CAPN5: variants seen among roughly 807,000 people sequenced by gnomAD.
CAPN5 encodes the protein calpain 5.
CAPN5 carries 54 observed loss-of-function variants against 73.0 expected under a neutral mutation model. That is an observed-to-expected ratio of 0.74 (90% CI 0.59 to 0.93). The LOEUF is 0.93. CAPN5 is among the 40% of genes least tolerant of loss of function. The probability of loss-of-function intolerance (pLI) is 0.00; values close to 1 mark genes in which losing one functional copy is unlikely to be tolerated. For synonymous variants in CAPN5, 335 were observed against 356.9 expected, an observed-to-expected ratio of 0.94 and a Z score of 0.69; for missense variants, 785 against 882.9, an observed-to-expected ratio of 0.89 and a Z score of 1.41.
rs529066534 is a variant in CAPN5 at position 77,099,733 on chromosome 11, G to A, written c.297+5920G>A. On this transcript the variant is annotated intron_variant, in intron 3 of 12. Coordinates refer to ENST00000648180, the MANE Select transcript of CAPN5 (RefSeq NM_004055.5). The stretch of plus-strand genomic sequence containing the variant: ...GGGGAGAGGGAGAGGGAGACGGAGA[G>A]GGAGAGGGAGAGGGAGACGGAGAGG... 2.1e-3 allele frequency among the ~76,000 whole-genome samples: 318 copies of A among 149,056 alleles called. 2 individuals carry two copies. The highest frequency in any genetic ancestry group is 7.6e-3 in the African/African-American group (307 of 40,334).
chr11:77,099,690 A>C (rs1437594352), intron 3 of CAPN5, among the ~76,000 whole-genome samples: 1 of 150,072 alleles, frequency 6.7e-6, no homozygotes, highest in East Asian at 2.0e-4. Flanking sequence ...CTTCGGCTCC[A>C]CATGAGAGGG....
Position 77,119,080 on chromosome 11 carries a change from G to A in CAPN5, c.1218G>A (p.Gln406=), listed in dbSNP as rs1950496847. 1.2e-6 allele frequency: 2 copies of A among 1,614,070 alleles called. No individual in the cohort carries two copies. The highest frequency in any genetic ancestry group is 2.7e-5 in the African/African-American group (2 of 75,072). Residue 406 remains glutamine (Q), a synonymous_variant, in exon 9 of 13, where the codon CAG becomes CAA. Coordinates refer to ENST00000648180, the MANE Select transcript of CAPN5 (RefSeq NM_004055.5). Reference sequence around the variant, plus strand: ...AAGATGAAGTCCTGATCTGCATCCAGCAGCGGCCAAAGCGGTCTACGCGCC... The same window carrying A: ...AAGATGAAGTCCTGATCTGCATCCAACAGCGGCCAAAGCGGTCTACGCGCC... ...KPEDEVLICI[Q]QRPKRSTRRE...
At chr11:77,088,033 C>T (rs1028272369) in intron 2 of CAPN5, 10 of 1,535,686 alleles carry the variant, frequency 6.5e-6, no homozygotes, top group East Asian at 4.9e-5. Flanking sequence ...TCAGGGTGTC[C>T]GTCCTCCTCG....
intron 1 of CAPN5, among the ~76,000 whole-genome samples, chr11:77,070,902 C>G (rs1555032941): frequency 6.6e-6 from 1 of 152,192 alleles, no homozygotes; most frequent in Non-Finnish European, 1.5e-5. Context: ...GGCAGATCCT[C>G]TCCACCTCCC....
At chr11:77,108,584 A>G (rs1294057604) in intron 3 of CAPN5, among the ~76,000 whole-genome samples, 1 of 152,150 alleles carries the variant, frequency 6.6e-6, no homozygotes, top group East Asian at 1.9e-4. Context: ...TAGCGAGCAC[A>G]GCCTGATGGA....
chr11:77,071,117 C>T (rs901170348), intron 1 of CAPN5, among the ~76,000 whole-genome samples: 2 of 152,188 alleles, frequency 1.3e-5, no homozygotes, highest in African/African-American at 4.8e-5. Flanking sequence ...ACTGCAGGCA[C>T]CATTCCCAGC....
chr11:77,113,884 A>G (rs1270792954), intron 4 of CAPN5, among the ~76,000 whole-genome samples: 1 of 152,232 alleles, frequency 6.6e-6, no homozygotes. Flanking sequence ...GCTATGGGCC[A>G]TCACCACTAT....
At chr11:77,117,541 T>C (rs1950481063) in intron 7 of CAPN5, among the ~76,000 whole-genome samples, 1 of 152,196 alleles carries the variant, frequency 6.6e-6, no homozygotes, top group African/African-American at 2.4e-5. Context: ...AGTCAGCAGA[T>C]AAAAACACGG....
chr11:77,106,044 G>A (rs1342689509), intron 3 of CAPN5, among the ~76,000 whole-genome samples: 1 of 152,114 alleles, frequency 6.6e-6, no homozygotes, highest in Non-Finnish European at 1.5e-5. Context: ...CCCAGGCTCG[G>A]GTTGGGCTGG....
At chr11:77,084,507 G>C (rs1950060970) in intron 1 of CAPN5, among the ~76,000 whole-genome samples, 1 of 152,188 alleles carries the variant, frequency 6.6e-6, no homozygotes, top group South Asian at 2.1e-4. Context: ...CAGGGAGCTG[G>C]CAGGGCTGGC....
intron 8 of CAPN5, 41 bp from the exon 9 acceptor site, chr11:77,118,989 C>A: frequency 6.3e-7 from 1 of 1,581,558 alleles, no homozygotes; most frequent in African/African-American, 1.3e-5. Context: ...CTGGTGTGGT[C>A]TCATTGCAGT....
At chr11:77,102,336 G>A (rs1950293988) in intron 3 of CAPN5, among the ~76,000 whole-genome samples, 1 of 152,124 alleles carries the variant, frequency 6.6e-6, no homozygotes, top group Non-Finnish European at 1.5e-5. Flanking sequence ...GTAGCTCCAA[G>A]GTTTAACTTA....
chr11:77,119,026 G>A lies in CAPN5; in HGVS notation c.1168-4G>A, dbSNP rs1555042236. 4 of 1,610,968 alleles carry A rather than the reference G, an allele frequency of 2.5e-6. No individual in the cohort carries two copies. Among genetic ancestry groups the A allele is most frequent in the Non-Finnish European group, 3.4e-6 (4 of 1,178,564 alleles). ...TCTCTCTCTCTCCTTGGCCACACCTGCAGTACATCTTCGAAGTCAAGAAGC... is the reference window on the plus strand; with the variant it reads ...TCTCTCTCTCTCCTTGGCCACACCTACAGTACATCTTCGAAGTCAAGAAGC... On this transcript the variant is annotated splice_polypyrimidine_tract_variant and splice_region_variant and intron_variant, in intron 8 of 12. Coordinates refer to ENST00000648180, the MANE Select transcript of CAPN5 (RefSeq NM_004055.5).
At chr11:77,117,311 G>A (rs1555041934) in intron 7 of CAPN5, among the ~76,000 whole-genome samples, 1 of 152,148 alleles carries the variant, frequency 6.6e-6, no homozygotes, top group Non-Finnish European at 1.5e-5. Flanking sequence ...TCCTGAATGT[G>A]GGCTAGGCTC....
chr11:77,079,420 T>A (rs79153252), intron 1 of CAPN5, among the ~76,000 whole-genome samples: 3,320 of 152,342 alleles, frequency 0.022, 141 homozygotes, highest in African/African-American at 0.076. Context: ...TTCTTTTGCT[T>A]AATATGCTTG....
chr11:77,069,200 T>A (rs1359449163), intron 1 of CAPN5, among the ~76,000 whole-genome samples: 1 of 152,180 alleles, frequency 6.6e-6, no homozygotes, highest in African/African-American at 2.4e-5. Flanking sequence ...AGTTTTCTCA[T>A]GTGCGGAATG....
At chr11:77,107,165 C>T (rs1420311220) in intron 3 of CAPN5, among the ~76,000 whole-genome samples, 1 of 152,202 alleles carries the variant, frequency 6.6e-6, no homozygotes, top group Non-Finnish European at 1.5e-5. Flanking sequence ...TGCCCTCCTG[C>T]AGTCATGGCA....
At chr11:77,114,199 C>T in intron 4 of CAPN5, 43 bp from the exon 5 acceptor site, 1 of 1,584,052 alleles carries the variant, frequency 6.3e-7, no homozygotes, top group South Asian at 1.1e-5. Context: ...TGCAGCCTGG[C>T]TGGGGAGCAT....
intron 1 of CAPN5, among the ~76,000 whole-genome samples, chr11:77,082,128 C>T (rs1326138031): frequency 6.6e-6 from 1 of 151,924 alleles, no homozygotes; most frequent in African/African-American, 2.4e-5. Flanking sequence ...CCCAGGGGCA[C>T]CAGGATGGCA....
Sources: allele counts gnomAD v4.1 joint callset (sites outside exome capture counted in the v4.1 genomes callset), GRCh38; gene constraint gnomAD v4.1.1; transcripts MANE v1.5; gene names NCBI Gene and HGNC (gene_info 2026-07-23, HGNC 2026-07-21).